Variants in DSC2 observed in about 807,000 individuals in gnomAD.
DSC2 encodes desmocollin-2.
Under a neutral mutation model 87.6 loss-of-function variants are expected in DSC2, and 51 were observed. The ratio of observed to expected loss-of-function variants is 0.58; its 90% CI spans 0.46 to 0.74. The LOEUF (loss-of-function observed/expected upper bound fraction) is 0.74. Ranked by LOEUF, DSC2 falls within the 30% of genes least tolerant of loss-of-function variation. The pLI is 0.00. For synonymous variants in DSC2, 383 were observed against 393.2 expected (o/e 0.97, Z 0.31); for missense variants, 1,066 against 1,089.5 (o/e 0.98, Z 0.30).
At position 31,089,474 on chromosome 18, in the gene DSC2, G is replaced by A. The variant is rs769787593; in HGVS notation, c.595C>T (p.Arg199Cys). 2.5e-5 allele frequency: 41 copies of A among 1,613,714 alleles called. No individual in the cohort carries two copies. The highest frequency in any genetic ancestry group is 4.5e-5 in the East Asian group (2 of 44,842). ...TCATACTGCTCACGATCTACAGGACGAGTACAATACAAGTTTCCAGTGTCT... is the reference window on the plus strand; with the variant it reads ...TCATACTGCTCACGATCTACAGGACAAGTACAATACAAGTTTCCAGTGTCT... The part of the protein sequence containing the change: ...ERDTGNLYCT[R>C]PVDREQYESF... The change falls in exon 5 of 16, where the codon CGT becomes TGT. Residue 199 changes from arginine (R) to cysteine (C), a missense_variant. Arg to Cys is a radical substitution (Grantham distance 180). Coordinates refer to ENST00000280904, the MANE Select transcript of DSC2 (RefSeq NM_024422.6).
At chr18:31,073,050 C>T (rs1986884668) in intron 12 of DSC2, among the ~76,000 whole-genome samples, 1 of 152,020 alleles carries the variant, frequency 6.6e-6, no homozygotes, top group African/African-American at 2.4e-5. Context: ...AGGGAAGAAC[C>T]AGCGTTTTTG....
intron 12 of DSC2, among the ~76,000 whole-genome samples, chr18:31,073,881 C>T (rs923554343): frequency 2.0e-5 from 3 of 152,176 alleles, no homozygotes; most frequent in Non-Finnish European, 4.4e-5. Flanking sequence ...AAGGAGAATA[C>T]AATAGACATG....
rs185633230 is a variant in DSC2, at chr18:31,059,925, G to T, written c.*8090C>A. On this transcript the variant is annotated 3_prime_UTR_variant, in exon 16 of 16. Coordinates refer to ENST00000280904, the MANE Select transcript of DSC2 (RefSeq NM_024422.6). The stretch of plus-strand genomic sequence containing the variant: ...CCAAGCAGTAAGCTAGGATCTTTAT[G>T]TGAATTATATAATTTATTCCTAATT... 1 of 152,246 alleles carries T rather than the reference G, an allele frequency of 6.6e-6. No homozygotes were observed. Among genetic ancestry groups the T allele is most frequent in the Admixed American group, 6.5e-5 (1 of 15,286 alleles). The allele number at this position is 152,246 out of a possible 1,614,324, so 9.4% of individuals were successfully genotyped here.
Position 31,074,421 on chromosome 18 carries a change from ATGTGTGTGTGTGTG to A in DSC2, c.1888+248_1888+261del, listed in dbSNP as rs71175757. ...AGAGAGAAAGAGAGAAAGAGAAAAA[ATGTGTGTGTGTGTG>A]TGTGTGTGTGTGTGTGTGTGTGTGT... On this transcript the variant is annotated intron_variant, in intron 12 of 15. Coordinates refer to ENST00000280904, the MANE Select transcript of DSC2 (RefSeq NM_024422.6). Among the ~76,000 whole-genome samples, 11,328 of 139,954 alleles carry A rather than the reference ATGTGTGTGTGTGTG, an allele frequency of 0.081. 723 individuals carry two copies. The highest frequency in any genetic ancestry group is 0.18 in the African/African-American group (6,941 of 37,544). The allele number at this position is 139,954 out of a possible 152,430, so 91.8% of individuals were successfully genotyped here.
At position 31,101,826 on chromosome 18, in the gene DSC2, T is replaced by C. The variant is rs1987970019; in HGVS notation, c.69+77A>G. On this transcript the variant is annotated intron_variant, in intron 1 of 15. Coordinates refer to ENST00000280904, the MANE Select transcript of DSC2 (RefSeq NM_024422.6). ...CAGCTTTTCCCGCCACCCCCACCTA[T>C]CCCCGTTCCCCTAGTTTTCCTCTGC... 3.2e-6 allele frequency: 3 copies of C among 941,606 alleles called. No individual in the cohort carries two copies. The African/African-American group carries it at 5.5e-5, about 17-fold the overall frequency. 58.3% of individuals were successfully genotyped at this position (941,606 alleles called of 1,614,324 possible).
At chr18:31,085,252 A>C (rs1349814752) in intron 7 of DSC2, among the ~76,000 whole-genome samples, 2 of 152,032 alleles carry the variant, frequency 1.3e-5, no homozygotes, top group Non-Finnish European at 2.9e-5. Flanking sequence ...ATTGTAACAG[A>C]CTAAATGCAG....
In DSC2 at chr18:31,069,050, G is replaced by T. The variant is rs562571453; in HGVS notation, c.2352C>A (p.Ile784=). The T allele has an allele frequency of 6.2e-7, 1 of 1,614,064 alleles. No homozygotes were observed. The highest frequency in any genetic ancestry group is 8.5e-7 in the Non-Finnish European group (1 of 1,180,012). ...SGIKNGGQET[I]EMVKGGHQTS... ...TCTGGTGTCCTCCTTTCACCATTTCGATGGTCTCCTGACCTCCGTTTTTGA... is the reference window on the plus strand; with the variant it reads ...TCTGGTGTCCTCCTTTCACCATTTCTATGGTCTCCTGACCTCCGTTTTTGA... Residue 784 remains isoleucine (I), a synonymous_variant, in exon 15 of 16, where the codon ATC becomes ATA. Coordinates refer to ENST00000280904, the MANE Select transcript of DSC2 (RefSeq NM_024422.6).
intron 4 of DSC2, among the ~76,000 whole-genome samples, 168 bp from the exon 5 acceptor site, chr18:31,089,762 T>A (rs1322061265): frequency 6.6e-6 from 1 of 152,098 alleles, no homozygotes; most frequent in Non-Finnish European, 1.5e-5. Context: ...AATTGAGAAA[T>A]TTCAAGAGCA....
At chr18:31,099,654 A>T (rs1313144649) in intron 1 of DSC2, among the ~76,000 whole-genome samples, 1 of 152,174 alleles carries the variant, frequency 6.6e-6, no homozygotes, top group Non-Finnish European at 1.5e-5. Flanking sequence ...AGGTGGAACC[A>T]TATAAAGAAT....
intron 8 of DSC2, 92 bp downstream of exon 8, chr18:31,082,834 A>G (rs905965746): frequency 7.0e-7 from 1 of 1,433,076 alleles, no homozygotes; most frequent in Non-Finnish European, 9.7e-7. Context: ...CTGAGATTAC[A>G]GGCGTGAGCC....
rs116011453 is a variant in DSC2 at position 31,091,629 on chromosome 18, C to T, written c.354+472G>A. On this transcript the variant is annotated intron_variant, in intron 3 of 15. Coordinates refer to ENST00000280904, the MANE Select transcript of DSC2 (RefSeq NM_024422.6). ...CTCAAACTGCTGCAGTGAGGAATGG[C>T]TAATGGTTGAATACAAGTTATTTTG... 1,798 of 458,162 alleles carry T rather than the reference C, an allele frequency of 3.9e-3. 36 individuals carry two copies. Among genetic ancestry groups the T allele is most frequent in the African/African-American group, 0.033 (1,650 of 50,268 alleles). The allele number at this position is 458,162 out of a possible 1,614,324, so 28.4% of individuals were successfully genotyped here.
At chr18:31,071,967 T>A (rs1271556050) in intron 12 of DSC2, 126 bp from the exon 13 acceptor site, 1 of 843,440 alleles carries the variant, frequency 1.2e-6, no homozygotes, top group South Asian at 1.5e-5. Flanking sequence ...ATGGCATAGC[T>A]GCTAGAAGAT....
In DSC2 at chr18:31,061,256, C is replaced by T. The variant is rs1986494993; in HGVS notation, c.*6759G>A. 2 of 152,142 alleles carry T rather than the reference C, an allele frequency of 1.3e-5. No individual in the cohort carries two copies. Among genetic ancestry groups the T allele is most frequent in the African/African-American group, 2.4e-5 (1 of 41,432 alleles). 9.4% of individuals were successfully genotyped at this position (152,142 alleles called of 1,614,324 possible). On this transcript the variant is annotated 3_prime_UTR_variant, in exon 16 of 16. Transcript: ENST00000280904. ...AAAGCAGTGAGTGTTCTGCTCTGTC[C>T]TCTCCCTTGAATCCTAACAAAATAA...
In DSC2 at chr18:31,074,408, AGAAAGAG is replaced by A. The variant is rs1186454969; in HGVS notation, c.1888+268_1888+274del. On this transcript the variant is annotated intron_variant, in intron 12 of 15. Transcript: ENST00000280904. ...GACCAAGTCTAAGAGAGAGAAAGAGAGAAAGAGAAAAAATGTGTGTGTGTGTGTGTGT... is the reference window on the plus strand; with the variant it reads ...GACCAAGTCTAAGAGAGAGAAAGAGAAAAAAATGTGTGTGTGTGTGTGTGT... 5.3e-3 allele frequency among the ~76,000 whole-genome samples: 784 copies of A among 148,614 alleles called. 6 individuals are homozygous for A. The highest frequency in any genetic ancestry group is 0.018 in the African/African-American group (719 of 40,576).
chr18:31,081,103 A>C (rs1045210220), intron 9 of DSC2, among the ~76,000 whole-genome samples: 3 of 152,200 alleles, frequency 2.0e-5, no homozygotes, highest in Non-Finnish European at 4.4e-5. Flanking sequence ...TTTACTACAA[A>C]ATAAATTTTA....
At chr18:31,080,408 C>T (rs1987180033) in intron 9 of DSC2, 56 bp from the exon 10 acceptor site, 16 of 1,591,028 alleles carry the variant, frequency 1.0e-5, no homozygotes, top group Non-Finnish European at 1.4e-5. Context: ...TTTGGCAATG[C>T]TAACGAGTAT....
rs767293228 is a variant in DSC2, at chr18:31,092,239, T to G, written c.216A>C (p.Gln72His). Residue 72 changes from glutamine (Q) to histidine (H), a missense_variant, in exon 3 of 16, where the codon CAA becomes CAC. Gln to His is a conservative substitution (Grantham distance 24, BLOSUM62 0). Transcript: ENST00000280904. ...NLIHSSDPDF[Q>H]ILEDGSVYTT... ...TATAGACTGAACCATCCTCCAAAAT[T>G]TGGAAGTCAGGATCACTTGAATGAA... 1.9e-6 allele frequency: 3 copies of G among 1,613,808 alleles called. No individual in the cohort carries two copies. The highest frequency in any genetic ancestry group is 1.7e-6 in the Non-Finnish European group (2 of 1,179,846).
At chr18:31,091,254 G>T in intron 3 of DSC2, 107 bp from the exon 4 acceptor site, 4 of 1,400,392 alleles carry the variant, frequency 2.9e-6, no homozygotes, top group Non-Finnish European at 4.0e-6. Flanking sequence ...CTGGGTAGGG[G>T]TGAGACCATG....
In DSC2 at chr18:31,071,673, C is replaced by T; in HGVS notation, c.2057G>A (p.Gly686Asp). ...CTTTCCAAGTTGTACTCCTCCACCGCCAATCCTTGGATCTACACGATGTGT... is the reference window on the plus strand; with the variant it reads ...CTTTCCAAGTTGTACTCCTCCACCGTCAATCCTTGGATCTACACGATGTGT... ...DCTHRVDPRI[G>D]GGGVQLGKWA... Residue 686 changes from glycine to aspartate, a missense_variant, in exon 13 of 16, where the codon GGC becomes GAC. Coordinates refer to ENST00000280904, the MANE Select transcript of DSC2 (RefSeq NM_024422.6). 6.2e-7 allele frequency: 1 copy of T among 1,610,706 alleles called. No homozygotes were observed. The highest frequency in any genetic ancestry group is 1.1e-5 in the South Asian group (1 of 90,930).
Sources: gnomAD v4.1 joint callset for allele counts (sites outside exome capture counted in the v4.1 genomes callset) on GRCh38, gnomAD v4.1.1 for gene constraint, MANE v1.5 for transcripts, NCBI Gene and HGNC (gene_info 2026-07-23, HGNC 2026-07-21) for gene names.